Variants in INTS2 observed in about 807,000 individuals in gnomAD.
The protein encoded by INTS2 is KIAA1287.
In INTS2, 57 loss-of-function variants were observed where a neutral mutation model predicts 139.6. The ratio of observed to expected loss-of-function variants is 0.41; its 90% CI spans 0.33 to 0.51. INTS2 has a LOEUF of 0.51. Ranked by LOEUF, INTS2 falls within the 20% of genes least tolerant of loss-of-function variation. The pLI, the probability that INTS2 is intolerant of heterozygous loss-of-function variation, is 0.28. For synonymous variants in INTS2, 473 were observed against 493.4 expected (o/e 0.96, Z 0.55); for missense variants, 1,196 against 1,436.7 (o/e 0.83, Z 2.71).
Position 61,923,770 on chromosome 17 carries a change from C to T in INTS2, c.432+1191G>A, listed in dbSNP as rs1001658662. Among the ~76,000 whole-genome samples, 4 of 152,024 alleles carry T rather than the reference C, an allele frequency of 2.6e-5. No homozygotes were observed. The East Asian group carries it at 7.8e-4, about 30-fold the overall frequency. ...TCTCGGCTCACCACAACCTCCACCT[C>T]CCAGGTTCAAGCAATTCTTTTACAG... On this transcript the variant is annotated intron_variant, in intron 3 of 24. Transcript: ENST00000251334.
rs1207385567 is a variant in INTS2, at chr17:61,872,060, T to C, written c.2778+205A>G. The C allele has an allele frequency of 2.5e-6, 1 of 403,170 alleles. No homozygotes were observed. Among genetic ancestry groups the C allele is most frequent in the African/African-American group, 2.0e-5 (1 of 49,056 alleles). The allele number at this position is 403,170 out of a possible 1,614,324, so 25.0% of individuals were successfully genotyped here. The stretch of plus-strand genomic sequence containing the variant: ...TTAAATGGCTATTTCATTCATATCA[T>C]GAAGATTATTCCTGATTTCAGAAAT... On this transcript the variant is annotated intron_variant, in intron 20 of 24. Coordinates refer to ENST00000251334, the MANE Select transcript of INTS2 (RefSeq NM_001351695.2). This position sits in a 1 kb window ranked among gnomAD's most constrained non-coding sequence, Gnocchi z 4.8.
intron 5 of INTS2, among the ~76,000 whole-genome samples, chr17:61,918,386 C>T (rs1442310229): frequency 6.6e-6 from 1 of 152,144 alleles, no homozygotes; most frequent in African/African-American, 2.4e-5. Flanking sequence ...AGATTACAGG[C>T]ATCCACCACC....
At chr17:61,896,194 C>T (rs532622169) in intron 11 of INTS2, among the ~76,000 whole-genome samples, 2 of 144,086 alleles carry the variant, frequency 1.4e-5, no homozygotes, top group African/African-American at 5.1e-5. Context: ...GAGCCGAGAT[C>T]GCACCACTGC....
In INTS2 at chr17:61,876,738, C is replaced by T. The variant is rs2079130720; in HGVS notation, c.2456+1149G>A. On this transcript the variant is annotated intron_variant, in intron 18 of 24. Coordinates refer to ENST00000251334, the MANE Select transcript of INTS2 (RefSeq NM_001351695.2). The surrounding 1 kb of genome is among the most constrained non-coding windows in gnomAD (Gnocchi z 4.1). ...GATTACAGGTGTGGGCCAGTGCACC[C>T]AGCCAAAAAAATGTTAATGATACAT... Among the ~76,000 whole-genome samples the T allele has an allele frequency of 6.6e-6, 1 of 151,804 alleles. No homozygotes were observed. The highest frequency in any genetic ancestry group is 2.4e-5 in the African/African-American group (1 of 41,336).
chr17:61,877,468 C>T (rs953125311), intron 18 of INTS2, among the ~76,000 whole-genome samples: 1 of 152,156 alleles, frequency 6.6e-6, no homozygotes, highest in Non-Finnish European at 1.5e-5. Flanking sequence ...AAAGTACTGA[C>T]GCCTGACTCC....
chr17:61,907,454 C>A lies in INTS2; in HGVS notation c.1135G>T (p.Ala379Ser). The part of the protein sequence containing the change: ...LKEEHVVKAS[A>S]LLRLYCALMG... ...AAAGCACAGTACAGACGTAAGAGTG[C>A]ACTGGCTTTCACAACATGCTCTTCT... is the stretch of plus-strand genomic sequence containing the variant. The change falls in exon 8 of 25, where the codon GCA becomes TCA. Residue 379 changes from alanine (A) to serine (S), a missense_variant. By Grantham distance (99) the Ala-to-Ser change is moderately conservative. Coordinates refer to ENST00000251334, the MANE Select transcript of INTS2 (RefSeq NM_001351695.2). 5 of 1,600,732 alleles carry A rather than the reference C, an allele frequency of 3.1e-6. No individual in the cohort carries two copies. Among genetic ancestry groups the A allele is most frequent in the South Asian group, 2.3e-5 (2 of 87,860 alleles).
chr17:61,879,758 AG>A (rs1313297473), intron 17 of INTS2, among the ~76,000 whole-genome samples: 1 of 152,148 alleles, frequency 6.6e-6, no homozygotes, highest in Admixed American at 6.5e-5. Flanking sequence ...CTGAGGCAGG[AG>A]GATTGCTAGA....
In INTS2 at chr17:61,868,545, A is replaced by G. The variant is rs1257089845; in HGVS notation, c.3244+489T>C. Among the ~76,000 whole-genome samples the G allele has an allele frequency of 1.3e-5, 2 of 152,180 alleles. No individual in the cohort carries two copies. Among genetic ancestry groups the G allele is most frequent in the Non-Finnish European group, 2.9e-5 (2 of 67,990 alleles). On this transcript the variant is annotated intron_variant, in intron 23 of 24. Transcript: ENST00000251334. This position sits in a 1 kb window ranked among gnomAD's most constrained non-coding sequence, Gnocchi z 4.7. ...TAGTTCATATATTTTAAAGTAGTTTATTTTCAGACCATTTTATTCTACAAA... is the reference window on the plus strand; with the variant it reads ...TAGTTCATATATTTTAAAGTAGTTTGTTTTCAGACCATTTTATTCTACAAA...
intron 8 of INTS2, 62 bp downstream of exon 8, chr17:61,907,346 T>A: frequency 1.4e-6 from 2 of 1,409,940 alleles, no homozygotes; most frequent in Non-Finnish European, 2.0e-6. Flanking sequence ...TGGCTCACTT[T>A]CTTGAGAATA....
intron 3 of INTS2, among the ~76,000 whole-genome samples, chr17:61,922,547 C>G (rs928629736): frequency 1.0e-4 from 4 of 39,728 alleles, no homozygotes; most frequent in East Asian, 1.3e-3. Context: ...TATATATATA[C>G]GTGTTCAATT....
At chr17:61,885,290 A>G (rs183590266) in intron 15 of INTS2, 231 of 410,976 alleles carry the variant, frequency 5.6e-4, no homozygotes, top group Non-Finnish European at 8.3e-4. Flanking sequence ...GCCCTACACT[A>G]AAAGAACCAA....
In INTS2 at chr17:61,893,512, C is replaced by T. The variant is rs1387401278; in HGVS notation, c.1698+253G>A. ...GGAGTTCGACACCAGCCAGCCAACA[C>T]GGTGAAACCCTGTCTCTACTAAAAA... On this transcript the variant is annotated intron_variant, in intron 13 of 24. Transcript: ENST00000251334. The surrounding 1 kb of genome is among the most constrained non-coding windows in gnomAD (Gnocchi z 5.4). Among the ~76,000 whole-genome samples the T allele has an allele frequency of 2.6e-5, 4 of 152,086 alleles. No individual in the cohort carries two copies. The South Asian group carries it at 8.3e-4, about 32-fold the overall frequency.
chr17:61,867,793 G>A lies in INTS2; in HGVS notation c.3421+40C>T, dbSNP rs1389885087. ...GGAAAGGAATTTGGCCTTTTTGTTT[G>A]AGATATTAAGATAACCCTTGAAAAT... is the stretch of plus-strand genomic sequence containing the variant. On this transcript the variant is annotated intron_variant, in intron 24 of 24. Coordinates refer to ENST00000251334, the MANE Select transcript of INTS2 (RefSeq NM_001351695.2). The surrounding 1 kb of genome is among the most constrained non-coding windows in gnomAD (Gnocchi z 5.6). 7 of 1,559,802 alleles carry A rather than the reference G, an allele frequency of 4.5e-6. No homozygotes were observed. The highest frequency in any genetic ancestry group is 6.1e-6 in the Non-Finnish European group (7 of 1,155,176).
At position 61,874,945 on chromosome 17, in the gene INTS2, G is replaced by A. The variant is rs751642489; in HGVS notation, c.2550C>T (p.Leu850=). ...CCCTCTGATCACACCTTAGGACAATGAGAGGATCTATCATCAGGTCATTCT... is the reference window on the plus strand; with the variant it reads ...CCCTCTGATCACACCTTAGGACAATAAGAGGATCTATCATCAGGTCATTCT... The part of the protein sequence containing the change: ...YTQNDLMIDP[L]IVLRCDQRVH... Residue 850 remains leucine (L), a synonymous_variant, in exon 19 of 25, where the codon CTC becomes CTT. Transcript: ENST00000251334. 1.5e-5 allele frequency: 24 copies of A among 1,598,126 alleles called. No homozygotes were observed. In the East Asian group the frequency reaches 2.7e-4, roughly 18 times the overall value.
Position 61,882,782 on chromosome 17 carries a change from T to C in INTS2, c.2090-1611A>G, listed in dbSNP as rs1181819729. Reference sequence around the variant, plus strand: ...CTATTTAGTTAATGAATTAACGAAGTACTACTATGCTAAGTGCTTCACACA... The same window carrying C: ...CTATTTAGTTAATGAATTAACGAAGCACTACTATGCTAAGTGCTTCACACA... On this transcript the variant is annotated intron_variant, in intron 16 of 24. Coordinates refer to ENST00000251334, the MANE Select transcript of INTS2 (RefSeq NM_001351695.2). This position sits in a 1 kb window ranked among gnomAD's most constrained non-coding sequence, Gnocchi z 4.7. Among the ~76,000 whole-genome samples, 1 of 152,212 alleles carries C rather than the reference T, an allele frequency of 6.6e-6. No individual in the cohort carries two copies. Among genetic ancestry groups the C allele is most frequent in the Non-Finnish European group, 1.5e-5 (1 of 68,040 alleles).
Position 61,895,385 on chromosome 17 carries a change from TA to T in INTS2, c.1495-3del. The stretch of plus-strand genomic sequence containing the variant: ...CAAGGAGCTTGGCTTAATTACAATC[TA>T]AAATTACCAAAAGAATTCCAACAGC... On this transcript the variant is annotated splice_region_variant and splice_polypyrimidine_tract_variant and intron_variant, in intron 11 of 24. Coordinates refer to ENST00000251334, the MANE Select transcript of INTS2 (RefSeq NM_001351695.2). 1 of 1,551,018 alleles carries T rather than the reference TA, an allele frequency of 6.4e-7. No individual in the cohort carries two copies. The highest frequency in any genetic ancestry group is 8.7e-7 in the Non-Finnish European group (1 of 1,151,234).
Position 61,926,620 on chromosome 17 carries a change from A to C in INTS2, c.25T>G (p.Phe9Val), listed in dbSNP as rs1260685454. 8.7e-6 allele frequency: 14 copies of C among 1,611,440 alleles called. 1 individual carries two copies. The South Asian group carries it at 1.5e-4, about 18-fold the overall frequency. MTECTSLQ[F>V]VSPFAFEAMQ... ...GCCTCAAAAGCAAAAGGGCTGACAA[A>C]CTGAAGACTTGTACATTCAGTCATT... The change falls in exon 2 of 25, where the codon TTT (phenylalanine) becomes GTT (valine). Residue 9 changes from phenylalanine to valine, a missense_variant. Physicochemically the swap from Phe to Val is conservative, Grantham distance 50. This residue lies in a region of INTS2 where 36 missense variants were observed against 30.1 expected (regional missense o/e 1.19). Coordinates refer to ENST00000251334, the MANE Select transcript of INTS2 (RefSeq NM_001351695.2).
chr17:61,878,358 T>A (rs542668300), intron 17 of INTS2, among the ~76,000 whole-genome samples: 5 of 151,116 alleles, frequency 3.3e-5, no homozygotes, highest in African/African-American at 9.7e-5. Flanking sequence ...AGGTCAGGAG[T>A]TCGAGATCAG....
intron 5 of INTS2, among the ~76,000 whole-genome samples, chr17:61,917,178 T>C (rs966226425): frequency 2.6e-5 from 4 of 152,142 alleles, no homozygotes; most frequent in Non-Finnish European, 5.9e-5. Flanking sequence ...CACTTACACA[T>C]TGTTGGTGGG....
Sources: gnomAD v4.1 joint callset for allele counts (sites outside exome capture counted in the v4.1 genomes callset) on GRCh38, gnomAD v4.1.1 for gene constraint, gnomAD v4.1.1 regional missense constraint, Gnocchi (gnomAD v3.1) non-coding constraint, MANE v1.5 for transcripts, NCBI Gene and HGNC (gene_info 2026-07-23, HGNC 2026-07-21) for gene names.